Variants in CDH11 observed in about 807,000 individuals in gnomAD.
CDH11 encodes cadherin 11, also known as cadherin-11.
CDH11 carries 11 observed loss-of-function variants against 67.8 expected under a neutral mutation model. That is an observed-to-expected ratio of 0.16 (90% CI 0.10 to 0.27). The LOEUF is 0.27. Ranked by LOEUF, CDH11 falls within the 10% of genes least tolerant of loss-of-function variation. CDH11 has a pLI of 1.00. For missense variants in CDH11, 847 were observed against 1,031.2 expected (o/e 0.82, Z 2.45); for synonymous variants, 419 against 400.0 (o/e 1.05, Z -0.57).
intron 1 of CDH11, among the ~76,000 whole-genome samples, chr16:65,079,878 A>G (rs1340272346): frequency 1.3e-5 from 2 of 152,206 alleles, no homozygotes; most frequent in Non-Finnish European, 2.9e-5. Context: ...CAACTGATCC[A>G]TCTCCTGGAA....
At chr16:65,080,873 T>C (rs893433722) in intron 1 of CDH11, among the ~76,000 whole-genome samples, 6 of 152,226 alleles carry the variant, frequency 3.9e-5, no homozygotes, top group Admixed American at 6.5e-5. Context: ...TATTGATGCA[T>C]CAAGATCTTC....
intron 2 of CDH11, among the ~76,000 whole-genome samples, chr16:65,022,644 A>G (rs1011264874): frequency 1.3e-5 from 2 of 152,246 alleles, no homozygotes; most frequent in African/African-American, 4.8e-5. Flanking sequence ...ACATAACAAG[A>G]AAAGGTAAGG....
chr16:64,961,285 T>C (rs2071668783), intron 11 of CDH11, among the ~76,000 whole-genome samples: 1 of 152,180 alleles, frequency 6.6e-6, no homozygotes. Context: ...TTGATTTACT[T>C]GAAAATCTCG....
intron 8 of CDH11, among the ~76,000 whole-genome samples, chr16:64,979,816 C>G (rs1597045628): frequency 6.6e-6 from 1 of 152,136 alleles, no homozygotes; most frequent in East Asian, 1.9e-4. Context: ...ACAACTCAAA[C>G]ATGTATCCAA....
At chr16:64,972,808 A>T (rs1323956484) in intron 9 of CDH11, 96 bp downstream of exon 9, 36 of 1,303,046 alleles carry the variant, frequency 2.8e-5, no homozygotes, top group Non-Finnish European at 3.5e-5. Flanking sequence ...AGACCAAAAA[A>T]GTTAGTCTAT....
intron 2 of CDH11, among the ~76,000 whole-genome samples, chr16:65,014,689 G>A (rs1480993107): frequency 1.3e-5 from 2 of 151,794 alleles, no homozygotes; most frequent in African/African-American, 4.8e-5. Flanking sequence ...CTTGAGTTGA[G>A]AAAAAGGGGC....
At chr16:65,046,565 C>T (rs1484483810) in intron 2 of CDH11, among the ~76,000 whole-genome samples, 1 of 152,196 alleles carries the variant, frequency 6.6e-6, no homozygotes, top group African/African-American at 2.4e-5. Context: ...AGAGGAACTG[C>T]ACTCTGGTCT....
chr16:65,039,258 T>A (rs2073815848), intron 2 of CDH11, among the ~76,000 whole-genome samples: 1 of 152,214 alleles, frequency 6.6e-6, no homozygotes, highest in Non-Finnish European at 1.5e-5. Flanking sequence ...ATTACTTCAA[T>A]CCTAAGCCAA....
At chr16:65,016,424 ACTT>A (rs995008700) in intron 2 of CDH11, among the ~76,000 whole-genome samples, 24 of 152,320 alleles carry the variant, frequency 1.6e-4, no homozygotes, top group Middle Eastern at 3.4e-3. Context: ...TATGTGGAAC[ACTT>A]CTTAGACAGG....
intron 11 of CDH11, 39 bp downstream of exon 11, chr16:64,971,540 G>T (rs781186581): frequency 2.5e-6 from 3 of 1,216,948 alleles, no homozygotes; most frequent in Non-Finnish European, 3.6e-6. Context: ...TTGTTTTCCA[G>T]TTCTACTTCT....
At chr16:64,957,039 T>C (rs1408025307) in intron 11 of CDH11, among the ~76,000 whole-genome samples, 1 of 152,156 alleles carries the variant, frequency 6.6e-6, no homozygotes, top group African/African-American at 2.4e-5. Flanking sequence ...GACCAGCTCC[T>C]GCATATTGAA....
chr16:65,024,692 A>C (rs1438821921), intron 2 of CDH11, among the ~76,000 whole-genome samples: 2 of 152,204 alleles, frequency 1.3e-5, no homozygotes, highest in Non-Finnish European at 2.9e-5. Context: ...TCAATGAATG[A>C]CGGTGTGCAA....
chr16:64,968,644 T>A, intron 11 of CDH11: 3 of 720,952 alleles, frequency 4.2e-6, no homozygotes, highest in Non-Finnish European at 5.1e-6. Context: ...CTTATATTTC[T>A]AAAAACGCTG....
chr16:64,952,452 A>G (rs2071387206), intron 11 of CDH11, among the ~76,000 whole-genome samples: 1 of 152,198 alleles, frequency 6.6e-6, no homozygotes, highest in Non-Finnish European at 1.5e-5. Context: ...GTGTTCTGGG[A>G]AGGATTTAAC....
chr16:64,947,735 C>T lies in CDH11; in HGVS notation c.2259G>A (p.Gly753=), dbSNP rs748806468. ...TGGCCGACTCTAGGGAGCTCAGGGA[C>T]CCGGCCACTGAGCCCCTGCCTTCAT... ...YGYEGRGSVA[G]SLSSLESATT... The change falls in exon 13 of 13, where the codon GGG becomes GGA. Residue 753 remains glycine, a synonymous_variant. Coordinates refer to ENST00000268603, the MANE Select transcript of CDH11 (RefSeq NM_001797.4). The T allele has an allele frequency of 3.7e-6, 6 of 1,614,036 alleles. No individual in the cohort carries two copies. The highest frequency in any genetic ancestry group is 1.1e-5 in the South Asian group (1 of 91,086).
At chr16:65,041,692 G>A (rs570332836) in intron 2 of CDH11, among the ~76,000 whole-genome samples, 6 of 152,176 alleles carry the variant, frequency 3.9e-5, no homozygotes, top group Admixed American at 6.5e-5. Flanking sequence ...CATTTTAAGC[G>A]CATGGCTTTT....
At chr16:65,074,367 T>C (rs1314061915) in intron 1 of CDH11, among the ~76,000 whole-genome samples, 1 of 152,204 alleles carries the variant, frequency 6.6e-6, no homozygotes, top group Non-Finnish European at 1.5e-5. Flanking sequence ...TTTAAAAAAC[T>C]CAGGGTTCAC....
chr16:64,998,806 T>C lies in CDH11; in HGVS notation c.279A>G (p.Ser93=). The C allele has an allele frequency of 2.5e-6, 4 of 1,614,028 alleles. No homozygotes were observed. Among genetic ancestry groups the C allele is most frequent in the Non-Finnish European group, 3.4e-6 (4 of 1,179,914 alleles). Residue 93 remains serine (S), a synonymous_variant, in exon 4 of 13, where the codon TCA becomes TCG. Transcript: ENST00000268603. ...SGDGNIKYIL[S]GEGAGTIFVI... is the part of the protein sequence containing the mutation. ...CAAAAATGGTTCCAGCTCCTTCCCC[T>C]GAGAGAATGTATTTAATGTTCCCAT... is the stretch of plus-strand genomic sequence containing the variant.
chr16:64,988,227 C>T lies in CDH11; in HGVS notation c.929G>A (p.Gly310Glu). 1 of 1,613,428 alleles carries T rather than the reference C, an allele frequency of 6.2e-7. No individual in the cohort carries two copies. Among genetic ancestry groups the T allele is most frequent in the Non-Finnish European group, 8.5e-7 (1 of 1,179,494 alleles). The change falls in exon 7 of 13, where the codon GGA (glycine) becomes GAA (glutamate). Residue 310 changes from glycine (G) to glutamate (E), a missense_variant. Transcript: ENST00000268603. ...NGLVTYNIVD[G>E]DGMESFEITT... is the part of the protein sequence containing the mutation. ...GATTTCAAACGATTCCATACCATCT[C>T]CATCAACAATATTGTATGTGACTAA...
Sources: allele counts gnomAD v4.1 joint callset (sites outside exome capture counted in the v4.1 genomes callset), GRCh38; gene constraint gnomAD v4.1.1; transcripts MANE v1.5; gene names NCBI Gene and HGNC (gene_info 2026-07-23, HGNC 2026-07-21).